CACNA2D1: variants seen among roughly 807,000 people sequenced by gnomAD.
CACNA2D1 encodes voltage-dependent calcium channel subunit alpha-2/delta-1.
Under a neutral mutation model 171.5 loss-of-function variants are expected in CACNA2D1, and 53 were observed. The ratio of observed to expected loss-of-function variants is 0.31; its 90% CI spans 0.25 to 0.39. CACNA2D1 has a LOEUF of 0.39. Among genes scored for constraint, CACNA2D1 ranks in the 10% least tolerant of loss-of-function variants. CACNA2D1 has a pLI of 1.00. For synonymous variants in CACNA2D1, 442 were observed against 443.1 expected (o/e 1.00, Z 0.03); for missense variants, 903 against 1,299.8 (o/e 0.69, Z 4.69).
chr7:81,999,288 G>A (rs1205853352), intron 18 of CACNA2D1, among the ~76,000 whole-genome samples: 1 of 151,994 alleles, frequency 6.6e-6, no homozygotes, highest in Non-Finnish European at 1.5e-5. Flanking sequence ...GATTCACCAC[G>A]GGCATGGTGA....
intron 3 of CACNA2D1, among the ~76,000 whole-genome samples, chr7:82,271,671 G>GA (rs1270554516): frequency 9.2e-5 from 14 of 151,964 alleles, no homozygotes; most frequent in Admixed American, 2.6e-4. Context: ...TGGAAGTTGA[G>GA]AAAAAATAAG....
At chr7:82,011,503 A>G (rs1403044111) in intron 15 of CACNA2D1, among the ~76,000 whole-genome samples, 1 of 152,162 alleles carries the variant, frequency 6.6e-6, no homozygotes, top group Admixed American at 6.6e-5. Flanking sequence ...ATATAATGAC[A>G]TATCTTTACT....
intron 1 of CACNA2D1, among the ~76,000 whole-genome samples, chr7:82,350,150 A>G (rs1486630106): frequency 2.6e-5 from 4 of 152,212 alleles, no homozygotes; most frequent in African/African-American, 9.6e-5. Flanking sequence ...GTTATATAAA[A>G]TGCATATCTC....
At chr7:82,377,557 C>A (rs1585717442) in intron 1 of CACNA2D1, among the ~76,000 whole-genome samples, 2 of 152,294 alleles carry the variant, frequency 1.3e-5, no homozygotes, top group South Asian at 4.1e-4. Flanking sequence ...CCTTCCCCTG[C>A]ATAATGGAAG....
At chr7:82,194,358 T>C (rs1798642666) in intron 3 of CACNA2D1, among the ~76,000 whole-genome samples, 1 of 152,010 alleles carries the variant, frequency 6.6e-6, no homozygotes. Flanking sequence ...CATGCAGGGA[T>C]AGCAAAATAT....
rs1563103171 is a variant in CACNA2D1, at chr7:82,138,434, TTTTTTGTTTTTTTTG to T, written c.355-1773_355-1759del. Among the ~76,000 whole-genome samples the T allele has an allele frequency of 7.8e-4, 58 of 74,196 alleles. 2 individuals are homozygous for T. Among genetic ancestry groups the T allele is most frequent in the African/African-American group, 8.2e-4 (14 of 17,048 alleles). 48.7% of individuals were successfully genotyped at this position (74,196 alleles called of 152,430 possible). A position where few individuals can be genotyped will look rare whatever the true frequency, so the allele number is the denominator to read the frequency against. ...CATTTCTTATAGCATTAGTTTTGTT[TTTTTTGTTTTTTTTG>T]TTTTTTTTTTTTTTTGAGACAGAGT... On this transcript the variant is annotated intron_variant, in intron 4 of 38. Coordinates refer to ENST00000356860, the MANE Select transcript of CACNA2D1 (RefSeq NM_000722.4).
intron 3 of CACNA2D1, among the ~76,000 whole-genome samples, chr7:82,275,891 C>A (rs1404398173): frequency 1.3e-5 from 2 of 152,152 alleles, no homozygotes; most frequent in African/African-American, 2.4e-5. Context: ...TCAAAATGGA[C>A]TTCTGAACTG....
intron 3 of CACNA2D1, among the ~76,000 whole-genome samples, chr7:82,291,131 G>T (rs979876808): frequency 8.8e-6 from 1 of 114,170 alleles, no homozygotes; most frequent in Admixed American, 8.9e-5. Flanking sequence ...GGGACTACAA[G>T]TGCAGGCCAC....
chr7:82,111,465 T>A (rs1788455162), intron 6 of CACNA2D1, among the ~76,000 whole-genome samples: 5 of 126,410 alleles, frequency 4.0e-5, no homozygotes, highest in East Asian at 2.3e-4. Context: ...TTTTTTTTTT[T>A]GAGACAGGGT....
chr7:82,010,517 G>GAAAC (rs1313763205), intron 15 of CACNA2D1, among the ~76,000 whole-genome samples: 2 of 151,922 alleles, frequency 1.3e-5, no homozygotes, highest in African/African-American at 4.8e-5. Context: ...CCAGTCAAAG[G>GAAAC]AAACACAACA....
chr7:82,263,992 G>T lies in CACNA2D1; in HGVS notation c.294+71143C>A, dbSNP rs1044609956. Among the ~76,000 whole-genome samples, 2 of 151,840 alleles carry T rather than the reference G, an allele frequency of 1.3e-5. 1 individual carries two copies. ...TATTCTAGTTTAACATGATTATGTA[G>T]GCCGTCACCGTTTTTAAAAATTGCA... On this transcript the variant is annotated intron_variant, in intron 3 of 38. Coordinates refer to ENST00000356860, the MANE Select transcript of CACNA2D1 (RefSeq NM_000722.4).
Position 82,389,695 on chromosome 7 carries a change from T to G in CACNA2D1, c.96-40046A>C, listed in dbSNP as rs543916249. Among the ~76,000 whole-genome samples the G allele has an allele frequency of 6.6e-4, 101 of 152,276 alleles. 1 individual carries two copies. Among genetic ancestry groups the G allele is most frequent in the African/African-American group, 2.3e-3 (96 of 41,566 alleles). ...CCATCTCTATTAGAAACCCCCAGTC[T>G]CTGTTTCCCCATCTTTAAAACACAG... On this transcript the variant is annotated intron_variant, in intron 1 of 38. Transcript: ENST00000356860.
intron 1 of CACNA2D1, among the ~76,000 whole-genome samples, chr7:82,371,390 G>A (rs886749377): frequency 8.5e-5 from 13 of 152,098 alleles, no homozygotes; most frequent in South Asian, 4.1e-4. Flanking sequence ...GTAATGGCAC[G>A]TAATTCACAA....
At chr7:82,305,356 AG>A (rs1184760974) in intron 3 of CACNA2D1, among the ~76,000 whole-genome samples, 4 of 152,162 alleles carry the variant, frequency 2.6e-5, no homozygotes, top group Non-Finnish European at 5.9e-5. Flanking sequence ...GGCTATTCAG[AG>A]GGTCTACAAA....
intron 3 of CACNA2D1, among the ~76,000 whole-genome samples, chr7:82,305,571 T>TTGCCC (rs146290740): frequency 0.038 from 5,791 of 152,250 alleles, 162 homozygotes; most frequent in Middle Eastern, 0.082. Context: ...AAGACTACCT[T>TTGCCC]TGCCCCTTTC....
chr7:82,249,628 C>A (rs1438456111), intron 3 of CACNA2D1, among the ~76,000 whole-genome samples: 1 of 152,326 alleles, frequency 6.6e-6, no homozygotes, highest in East Asian at 1.9e-4. Context: ...TCATCCTTTT[C>A]ATCCGTCCAG....
Position 82,038,138 on chromosome 7 carries a change from G to A in CACNA2D1, c.977C>T (p.Thr326Ile), listed in dbSNP as rs749857450. ...KVLKDAVNNI[T>I]AKGITDYKKG... ...CTTATAATCTGTAATTCCTTTGGCTGTGATATTATTCACCGCGTCTTTCAA... is the reference window on the plus strand; with the variant it reads ...CTTATAATCTGTAATTCCTTTGGCTATGATATTATTCACCGCGTCTTTCAA... The change falls in exon 11 of 39, where the codon ACA becomes ATA. Residue 326 changes from threonine to isoleucine, a missense_variant. Physicochemically the swap from Thr to Ile is moderately conservative, Grantham distance 89. Transcript: ENST00000356860. The A allele has an allele frequency of 1.2e-6, 2 of 1,613,730 alleles. No homozygotes were observed. Among genetic ancestry groups the A allele is most frequent in the Non-Finnish European group, 8.5e-7 (1 of 1,179,758 alleles).
intron 5 of CACNA2D1, among the ~76,000 whole-genome samples, chr7:82,125,770 C>T (rs1009625638): frequency 2.6e-5 from 4 of 152,092 alleles, no homozygotes; most frequent in African/African-American, 9.7e-5. Flanking sequence ...ACAATCTTCC[C>T]CGTTTGTGTT....
chr7:81,993,971 C>A (rs1797803629), intron 20 of CACNA2D1, among the ~76,000 whole-genome samples: 1 of 151,942 alleles, frequency 6.6e-6, no homozygotes, highest in African/African-American at 2.4e-5. Context: ...CCTTTGCGTT[C>A]TGTAATAGGG....
Sources: allele counts gnomAD v4.1 joint callset (sites outside exome capture counted in the v4.1 genomes callset), GRCh38; gene constraint gnomAD v4.1.1; transcripts MANE v1.5; gene names NCBI Gene and HGNC (gene_info 2026-07-23, HGNC 2026-07-21).